MED12L: variants seen among roughly 807,000 people sequenced by gnomAD.
MED12L encodes mediator complex subunit 12L, also known as mediator of RNA polymerase II transcription subunit 12-like protein.
In MED12L, 60 loss-of-function variants were observed where a neutral mutation model predicts 281.3. The ratio of observed to expected loss-of-function variants is 0.21; its 90% CI spans 0.17 to 0.26. The LOEUF is 0.26. MED12L is among the 10% of genes least tolerant of loss of function. The pLI is 1.00. For missense variants in MED12L, 2,146 were observed against 2,680.9 expected (o/e 0.80, Z 4.41); for synonymous variants, 974 against 987.2 (o/e 0.99, Z 0.25).
rs528938175 is a variant in MED12L, at chr3:151,224,688, C to T, written c.2250+31022C>T. ...CCTCCTCCCACCCCCTATCTTTTGTCATCACCCAGAGCATTTAAAGTTTGA... is the reference window on the plus strand; with the variant it reads ...CCTCCTCCCACCCCCTATCTTTTGTTATCACCCAGAGCATTTAAAGTTTGA... On this transcript the variant is annotated intron_variant, in intron 16 of 44. Transcript: ENST00000687756. Among the ~76,000 whole-genome samples the T allele has an allele frequency of 6.4e-4, 98 of 152,300 alleles. 1 individual carries two copies. Among genetic ancestry groups the T allele is most frequent in the African/African-American group, 2.3e-3 (96 of 41,568 alleles).
intron 29 of MED12L, 46 bp downstream of exon 29, chr3:151,376,920 A>T (rs1224996426): frequency 7.4e-6 from 12 of 1,611,794 alleles, no homozygotes; most frequent in Non-Finnish European, 1.0e-5. Flanking sequence ...TTTTATAAAA[A>T]GCAAAAACAC....
chr3:151,100,511 G>A (rs1721262901), intron 2 of MED12L, among the ~76,000 whole-genome samples: 1 of 152,236 alleles, frequency 6.6e-6, no homozygotes, highest in South Asian at 2.1e-4. Context: ...TTAAAGGTAT[G>A]GAGGATCTAT....
chr3:151,388,217 T>A, intron 37 of MED12L, 45 bp downstream of exon 37: 2 of 1,541,272 alleles, frequency 1.3e-6, no homozygotes, highest in Non-Finnish European at 1.7e-6. Context: ...TAGCATTTAG[T>A]ATGAGATTTA....
At chr3:151,180,941 C>A (rs952107827) in intron 11 of MED12L, among the ~76,000 whole-genome samples, 1 of 152,080 alleles carries the variant, frequency 6.6e-6, no homozygotes, top group Admixed American at 6.5e-5. Flanking sequence ...CGACCAGTTT[C>A]TCTAGTAAAT....
At position 151,350,125 on chromosome 3, in the gene MED12L, G is replaced by C; in HGVS notation, c.2317G>C (p.Asp773His). ...ILLYGVGKER[D>H]EARHQLKKIT... is the part of the protein sequence containing the mutation. ...TCTCTATGGAGTCGGCAAAGAGCGT[G>C]ATGAAGCAAGGCATCAGCTGAAGAA... Residue 773 changes from aspartate to histidine, a missense_variant, in exon 17 of 45, where the codon GAT (aspartate) becomes CAT (histidine). Asp to His is a moderately conservative substitution (Grantham distance 81). Transcript: ENST00000687756. The C allele has an allele frequency of 6.2e-7, 1 of 1,613,650 alleles. No individual in the cohort carries two copies. Among genetic ancestry groups the C allele is most frequent in the Non-Finnish European group, 8.5e-7 (1 of 1,179,734 alleles).
intron 5 of MED12L, among the ~76,000 whole-genome samples, chr3:151,143,630 A>T (rs183471598): frequency 6.6e-6 from 1 of 152,204 alleles, no homozygotes; most frequent in African/African-American, 2.4e-5. Flanking sequence ...CTGAATCTTC[A>T]GGAGGGTGGG....
chr3:151,421,395 T>C lies in MED12L; in HGVS notation c.6408+4973T>C, dbSNP rs1220555634. On this transcript the variant is annotated intron_variant, in intron 43 of 44. Transcript: ENST00000687756. Reference sequence around the variant, plus strand: ...AATCATGCTTCTTCCTGTGCTTTACTGTGTTTTTTTTTTTTGTTTTGTTTC... The same window carrying C: ...AATCATGCTTCTTCCTGTGCTTTACCGTGTTTTTTTTTTTTGTTTTGTTTC... Among the ~76,000 whole-genome samples the C allele has an allele frequency of 6.3e-5, 3 of 47,962 alleles. No homozygotes were observed. In the East Asian group the frequency reaches 3.1e-3, roughly 50 times the overall value. The allele number at this position is 47,962 out of a possible 152,430, so 31.5% of individuals were successfully genotyped here. A position where few individuals can be genotyped will look rare whatever the true frequency, so the allele number is the denominator to read the frequency against.
chr3:151,116,064 CA>C (rs59017489), intron 2 of MED12L, among the ~76,000 whole-genome samples: 3,714 of 92,104 alleles, frequency 0.04, 34 homozygotes, highest in South Asian at 0.063. Context: ...ACTCCATCTC[CA>C]AAAAAAAAAA....
intron 16 of MED12L, among the ~76,000 whole-genome samples, chr3:151,331,077 C>T (rs1406842407): frequency 6.6e-6 from 1 of 152,198 alleles, no homozygotes; most frequent in Non-Finnish European, 1.5e-5. Context: ...AATTTCAAAA[C>T]ACTGAAGTGT....
chr3:151,340,371 TTATTTC>T, intron 16 of MED12L, among the ~76,000 whole-genome samples: 1 of 152,332 alleles, frequency 6.6e-6, no homozygotes, highest in South Asian at 2.1e-4. Flanking sequence ...CATTTATATT[TTATTTC>T]TATGCTTTGT....
rs774196137 is a variant in MED12L, at chr3:151,098,008, C to T, written c.99+10983C>T. ...ATAGGGAAGAAGATTAATTCCAGGA[C>T]GAAGGAGCAGCACATGCAAAGGGTC... On this transcript the variant is annotated intron_variant, in intron 2 of 44. Transcript: ENST00000687756. Among the ~76,000 whole-genome samples, 19 of 152,230 alleles carry T rather than the reference C, an allele frequency of 1.2e-4. No homozygotes were observed. The East Asian group carries it at 3.1e-3, about 25-fold the overall frequency.
At chr3:151,325,715 T>A (rs1465964155) in intron 16 of MED12L, among the ~76,000 whole-genome samples, 1 of 152,222 alleles carries the variant, frequency 6.6e-6, no homozygotes, top group Non-Finnish European at 1.5e-5. Context: ...GATTTGGTCT[T>A]GGAATTTATC....
In MED12L at chr3:151,377,554, A is replaced by G. The variant is rs139104724; in HGVS notation, c.4316+376A>G. Among the ~76,000 whole-genome samples, 586 of 152,320 alleles carry G rather than the reference A, an allele frequency of 3.8e-3. 5 individuals are homozygous for G. The highest frequency in any genetic ancestry group is 6.8e-3 in the Middle Eastern group (2 of 294). ...GTGCAGAATTAGAACCAGTAGGCAT[A>G]TAAAGTCTTAAAGTAATTATTTAAT... On this transcript the variant is annotated intron_variant, in intron 30 of 44. Transcript: ENST00000687756.
At chr3:151,099,708 C>T (rs1054038564) in intron 2 of MED12L, among the ~76,000 whole-genome samples, 5 of 150,598 alleles carry the variant, frequency 3.3e-5, no homozygotes, top group Admixed American at 2.6e-4. Context: ...GTAGGTAGAT[C>T]AATGGTGGTC....
chr3:151,316,222 G>A (rs556562644), intron 16 of MED12L, among the ~76,000 whole-genome samples: 13 of 151,928 alleles, frequency 8.6e-5, no homozygotes, highest in East Asian at 7.7e-4. Context: ...AAAACAATAC[G>A]GATAAACGAT....
At chr3:151,360,742 A>G in intron 21 of MED12L, 137 bp downstream of exon 21, 4 of 748,708 alleles carry the variant, frequency 5.3e-6, no homozygotes, top group Admixed American at 5.4e-5. Context: ...TGATATACTC[A>G]TGATTTGTTT....
At chr3:151,337,742 A>C in intron 16 of MED12L, 1 of 1,448,756 alleles carries the variant, frequency 6.9e-7, no homozygotes, top group Middle Eastern at 1.8e-4. Context: ...TTCGTCAGTT[A>C]ATATTTTTAC....
At chr3:151,217,610 G>GT (rs1293163082) in intron 16 of MED12L, among the ~76,000 whole-genome samples, 2 of 152,204 alleles carry the variant, frequency 1.3e-5, no homozygotes, top group African/African-American at 2.4e-5. Flanking sequence ...AGGGTGGGAG[G>GT]TTTTAGACAT....
chr3:151,148,590 A>C (rs1181104330), intron 5 of MED12L, among the ~76,000 whole-genome samples: 1 of 152,172 alleles, frequency 6.6e-6, no homozygotes, highest in Admixed American at 6.5e-5. Flanking sequence ...TTTCCAAGGA[A>C]ATGAATTTCT....
Sources: allele counts gnomAD v4.1 joint callset (sites outside exome capture counted in the v4.1 genomes callset), GRCh38; gene constraint gnomAD v4.1.1; transcripts MANE v1.5; gene names NCBI Gene and HGNC (gene_info 2026-07-23, HGNC 2026-07-21).